Variants in SLC38A3 observed in about 807,000 individuals in gnomAD.
SLC38A3 encodes sodium-coupled neutral amino acid transporter 3.
Under a neutral mutation model 59.5 loss-of-function variants are expected in SLC38A3, and 17 were observed. The ratio of observed to expected loss-of-function variants is 0.29; its 90% confidence interval spans 0.20 to 0.43. The LOEUF (loss-of-function observed/expected upper bound fraction) is 0.43, where lower values mean the gene tolerates loss of function less well. SLC38A3 is among the 20% of genes least tolerant of loss of function. The pLI, the probability that SLC38A3 is intolerant of heterozygous loss-of-function variation, is 1.00. For synonymous variants in SLC38A3, 238 were observed against 260.3 expected, an observed-to-expected ratio of 0.91 and a Z score of 0.82; for missense variants, 454 against 653.9, an observed-to-expected ratio of 0.69 and a Z score of 3.33.
chr3:50,219,858 T>G (rs587692623), intron 14 of SLC38A3, 23 bp from the exon 15 acceptor site: 1 of 1,588,532 alleles, frequency 6.3e-7, no homozygotes, highest in African/African-American at 1.3e-5. Flanking sequence ...GAGCCAGCAG[T>G]GGCCATGTCT....
chr3:50,206,311 A>G (rs1699647577), intron 1 of SLC38A3, among the ~76,000 whole-genome samples: 1 of 152,212 alleles, frequency 6.6e-6, no homozygotes. Flanking sequence ...GAGGAACACC[A>G]TGGAGGACTT....
At position 50,217,904 on chromosome 3, in the gene SLC38A3, C is replaced by T. The variant is rs200841708; in HGVS notation, c.856-13C>T. The T allele has an allele frequency of 2.6e-5, 42 of 1,613,884 alleles. No individual in the cohort carries two copies. The highest frequency in any genetic ancestry group is 1.6e-4 in the Middle Eastern group (1 of 6,084). On this transcript the variant is annotated splice_polypyrimidine_tract_variant and intron_variant, in intron 10 of 15. Coordinates refer to ENST00000614032, the MANE Select transcript of SLC38A3 (RefSeq NM_006841.6). The surrounding 1 kb of genome is among the most constrained non-coding windows in gnomAD (Gnocchi z 4.9). ...GTGGCAGACTGCCTTGACACAGCCC[C>T]GTGTTTCCCCAGACAGCATACACCA... is the stretch of plus-strand genomic sequence containing the variant.
intron 1 of SLC38A3, among the ~76,000 whole-genome samples, chr3:50,211,568 CTTTTTTTTTTTTTT>C (rs765148889): frequency 8.6e-5 from 7 of 81,208 alleles, no homozygotes; most frequent in Middle Eastern, 0.01. Context: ...TGCCCCCATC[CTTTTTTTTTTTTTT>C]TTTTTTTTTT....
chr3:50,215,665 AG>A lies in SLC38A3; in HGVS notation c.466+32del. On this transcript the variant is annotated intron_variant, in intron 6 of 15. Coordinates refer to ENST00000614032, the MANE Select transcript of SLC38A3 (RefSeq NM_006841.6). This position sits in a 1 kb window ranked among gnomAD's most constrained non-coding sequence, Gnocchi z 7.1. ...AGAGCAGTGGGCAGGGGCAGGCAGT[AG>A]GGAGGTGGACAGCCCTGAAAGCTGG... is the stretch of plus-strand genomic sequence containing the variant. 6.2e-7 allele frequency: 1 copy of A among 1,611,838 alleles called. No individual in the cohort carries two copies. Among genetic ancestry groups the A allele is most frequent in the Non-Finnish European group, 8.5e-7 (1 of 1,178,390 alleles).
intron 1 of SLC38A3, among the ~76,000 whole-genome samples, chr3:50,210,713 T>C (rs1699713741): frequency 1.3e-5 from 2 of 152,200 alleles, no homozygotes; most frequent in African/African-American, 4.8e-5. Context: ...GATGTTCGCG[T>C]GGGCGGGCGT....
intron 14 of SLC38A3, among the ~76,000 whole-genome samples, chr3:50,219,156 CAG>C (rs587724853): frequency 1.3e-4 from 20 of 152,326 alleles, no homozygotes; most frequent in Non-Finnish European, 2.6e-4. Flanking sequence ...TGCTGGAGGA[CAG>C]GGGTGGATCC....
intron 1 of SLC38A3, among the ~76,000 whole-genome samples, chr3:50,212,757 TG>T (rs939673408): frequency 2.0e-5 from 3 of 152,160 alleles, no homozygotes; most frequent in African/African-American, 7.2e-5. Flanking sequence ...CAGCCTCTCT[TG>T]TTCACCCCTA....
chr3:50,206,007 C>G (rs1033869350), intron 1 of SLC38A3, among the ~76,000 whole-genome samples: 1 of 152,218 alleles, frequency 6.6e-6, no homozygotes, highest in Non-Finnish European at 1.5e-5. Context: ...GAGGCCGGGG[C>G]GCCGTGCGAG....
At chr3:50,208,217 C>A (rs1699671043) in intron 1 of SLC38A3, among the ~76,000 whole-genome samples, 1 of 152,184 alleles carries the variant, frequency 6.6e-6, no homozygotes. Context: ...CTCCCTCTCC[C>A]CTTCTCGCTC....
At chr3:50,206,019 T>C (rs1226756669) in intron 1 of SLC38A3, among the ~76,000 whole-genome samples, 2 of 152,050 alleles carry the variant, frequency 1.3e-5, no homozygotes, top group Admixed American at 6.5e-5. Context: ...CCGTGCGAGC[T>C]CCTCCCCACC....
At position 50,214,581 on chromosome 3, in the gene SLC38A3, A is replaced by AG; in HGVS notation, c.184-68dup. On this transcript the variant is annotated intron_variant, in intron 3 of 15. Coordinates refer to ENST00000614032, the MANE Select transcript of SLC38A3 (RefSeq NM_006841.6). The surrounding 1 kb of genome is among the most constrained non-coding windows in gnomAD (Gnocchi z 6.0). Reference sequence around the variant, plus strand: ...AGCAGTGGGAGGCTGAGGGACAGTCAGGGGAAGGCTGCGATGCCCCTGTCC... The same window carrying AG: ...AGCAGTGGGAGGCTGAGGGACAGTCAGGGGGAAGGCTGCGATGCCCCTGTCC... The AG allele has an allele frequency of 6.8e-7, 1 of 1,466,054 alleles. No individual in the cohort carries two copies. The highest frequency in any genetic ancestry group is 1.7e-4 in the Middle Eastern group (1 of 5,826). The allele number at this position is 1,466,054 out of a possible 1,614,324, so 90.8% of individuals were successfully genotyped here.
chr3:50,218,241 C>T lies in SLC38A3; in HGVS notation c.936-29C>T, dbSNP rs769959394. The T allele has an allele frequency of 2.8e-6, 4 of 1,415,430 alleles. No homozygotes were observed. The highest frequency in any genetic ancestry group is 4.0e-6 in the Non-Finnish European group (4 of 997,330). The allele number at this position is 1,415,430 out of a possible 1,614,324, so 87.7% of individuals were successfully genotyped here. On this transcript the variant is annotated intron_variant, in intron 11 of 15. Transcript: ENST00000614032. This position sits in a 1 kb window ranked among gnomAD's most constrained non-coding sequence, Gnocchi z 5.8. ...TCTCCCAATGTTACCCAGCTTGTCA[C>T]CAACACCCACCCCCCCACTTCCCCA... is the stretch of plus-strand genomic sequence containing the variant.
chr3:50,205,529 C>G (rs1268728028), intron 1 of SLC38A3, among the ~76,000 whole-genome samples, 181 bp downstream of exon 1: 1 of 152,276 alleles, frequency 6.6e-6, no homozygotes, highest in Non-Finnish European at 1.5e-5. Context: ...TCTTGGGGAC[C>G]TGCCAGTCGG....
At chr3:50,212,944 C>A (rs1372974786) in intron 1 of SLC38A3, among the ~76,000 whole-genome samples, 2 of 152,222 alleles carry the variant, frequency 1.3e-5, no homozygotes, top group East Asian at 1.9e-4. Context: ...GGCTGCCCCC[C>A]TCACTGGTCT....
chr3:50,205,650 G>A (rs926778010), intron 1 of SLC38A3, among the ~76,000 whole-genome samples: 22 of 152,238 alleles, frequency 1.4e-4, no homozygotes, highest in Non-Finnish European at 2.9e-4. Context: ...GCGGCACCCG[G>A]GGCTGGGACC....
chr3:50,205,752 C>T (rs1175246201), intron 1 of SLC38A3, among the ~76,000 whole-genome samples: 2 of 152,248 alleles, frequency 1.3e-5, no homozygotes, highest in Non-Finnish European at 2.9e-5. Flanking sequence ...GAGGGGAGGA[C>T]CCAAGAGGGG....
At chr3:50,213,742 C>T (rs1406508309) in intron 1 of SLC38A3, among the ~76,000 whole-genome samples, 1 of 152,218 alleles carries the variant, frequency 6.6e-6, no homozygotes, top group Non-Finnish European at 1.5e-5. Flanking sequence ...CTATTGATGT[C>T]AAGGAGGAGA....
At chr3:50,216,808 A>T (rs1699825466) in intron 7 of SLC38A3, among the ~76,000 whole-genome samples, 1 of 150,748 alleles carries the variant, frequency 6.6e-6, no homozygotes, top group African/African-American at 2.5e-5. Context: ...AGTCTCGCTC[A>T]GTCGCCCAGG....
chr3:50,220,310 T>C lies in SLC38A3; in HGVS notation c.*133T>C. 2 of 701,748 alleles carry C rather than the reference T, an allele frequency of 2.9e-6. No individual in the cohort carries two copies. Among genetic ancestry groups the C allele is most frequent in the Non-Finnish European group, 4.9e-6 (2 of 412,224 alleles). 43.5% of individuals were successfully genotyped at this position (701,748 alleles called of 1,614,324 possible). ...CACTGTGGCATTCAGCCAGGCCCCA[T>C]GTCCTCTCTGTGGAAGGTTTTTGTT... On this transcript the variant is annotated 3_prime_UTR_variant, in exon 16 of 16. Transcript: ENST00000614032.
Sources: allele counts gnomAD v4.1 joint callset (sites outside exome capture counted in the v4.1 genomes callset), GRCh38; gene constraint gnomAD v4.1.1; non-coding constraint Gnocchi (gnomAD v3.1); transcripts MANE v1.5; gene names NCBI Gene and HGNC (gene_info 2026-07-23, HGNC 2026-07-21).